Variants in LUZP2 observed in about 807,000 individuals in gnomAD.
LUZP2 encodes leucine zipper protein 2.
Under a neutral mutation model 51.6 loss-of-function variants are expected in LUZP2, and 52 were observed. That is an observed-to-expected ratio of 1.01 (90% CI 0.81 to 1.27). LUZP2 has a LOEUF of 1.27. Ranked by LOEUF, LUZP2 falls within the 50% of genes most tolerant of loss-of-function variation. The probability of loss-of-function intolerance (pLI) is 0.00; values close to 1 mark genes in which losing one functional copy is unlikely to be tolerated. For missense variants in LUZP2, 436 were observed against 395.4 expected (o/e 1.10, Z -0.87); for synonymous variants, 154 against 137.3 (o/e 1.12, Z -0.85).
chr11:24,547,739 A>G (rs2133738271), intron 1 of LUZP2, among the ~76,000 whole-genome samples: 1 of 152,220 alleles, frequency 6.6e-6, no homozygotes, highest in South Asian at 2.1e-4. Flanking sequence ...ATTAAAGACC[A>G]CTGCACAGCA....
intron 9 of LUZP2, among the ~76,000 whole-genome samples, chr11:25,002,218 T>A (rs1234340646): frequency 6.6e-6 from 1 of 152,240 alleles, no homozygotes; most frequent in Non-Finnish European, 1.5e-5. Flanking sequence ...TACTTTCAAG[T>A]ATGGTTACAT....
At chr11:24,790,413 T>C (rs925575876) in intron 5 of LUZP2, among the ~76,000 whole-genome samples, 2 of 152,178 alleles carry the variant, frequency 1.3e-5, no homozygotes, top group African/African-American at 4.8e-5. Flanking sequence ...AAACGCTTGC[T>C]TTACTTGTCT....
chr11:24,791,795 C>G (rs1849417044), intron 5 of LUZP2, among the ~76,000 whole-genome samples: 2 of 152,054 alleles, frequency 1.3e-5, no homozygotes. Context: ...CTGTTATTTA[C>G]AGAGTTTTGC....
chr11:24,848,140 T>TTGATATGATATGATATGATATGATA (rs11269785), intron 5 of LUZP2, among the ~76,000 whole-genome samples: 1,896 of 151,468 alleles, frequency 0.013, 34 homozygotes, highest in African/African-American at 0.041. Flanking sequence ...TAATATATGA[T>TTGATATGATATGATATGATATGATA]TGATATGATA....
At chr11:25,026,202 T>C (rs1368698034) in intron 9 of LUZP2, among the ~76,000 whole-genome samples, 2 of 151,584 alleles carry the variant, frequency 1.3e-5, no homozygotes, top group African/African-American at 4.9e-5. Context: ...CATAATGAGT[T>C]AATGGGTGCA....
chr11:24,633,269 T>A (rs1252126366), intron 1 of LUZP2, among the ~76,000 whole-genome samples: 1 of 152,018 alleles, frequency 6.6e-6, no homozygotes, highest in Admixed American at 6.6e-5. Flanking sequence ...TCTGCCACAA[T>A]GCTTTCAAGT....
chr11:25,018,030 T>A (rs2133969145), intron 9 of LUZP2, among the ~76,000 whole-genome samples: 1 of 92,766 alleles, frequency 1.1e-5, no homozygotes, highest in Non-Finnish European at 2.2e-5. Flanking sequence ...TAGGATTTTT[T>A]GTTTCTGTTT....
chr11:25,050,506 G>T (rs967524857), intron 10 of LUZP2, among the ~76,000 whole-genome samples: 2 of 151,848 alleles, frequency 1.3e-5, no homozygotes, highest in African/African-American at 2.4e-5. Context: ...GGGTTTCACC[G>T]TGTTAACCAG....
chr11:24,526,943 T>A (rs1415251493), intron 1 of LUZP2, among the ~76,000 whole-genome samples: 1 of 151,384 alleles, frequency 6.6e-6, no homozygotes, highest in Non-Finnish European at 1.5e-5. Flanking sequence ...AAACATGAAC[T>A]ATCCTAGCTT....
At chr11:24,740,940 G>T (rs932402648) in intron 4 of LUZP2, among the ~76,000 whole-genome samples, 28 of 152,132 alleles carry the variant, frequency 1.8e-4, no homozygotes, top group African/African-American at 6.5e-4. Flanking sequence ...CTTCTAAGTT[G>T]TATCACATAA....
chr11:24,785,044 G>A (rs1488967343), intron 5 of LUZP2, among the ~76,000 whole-genome samples: 1 of 151,880 alleles, frequency 6.6e-6, no homozygotes, highest in African/African-American at 2.4e-5. Flanking sequence ...TCATATTTCT[G>A]TGGATCCATA....
At chr11:24,622,584 G>C (rs1190287058) in intron 1 of LUZP2, among the ~76,000 whole-genome samples, 2 of 151,950 alleles carry the variant, frequency 1.3e-5, no homozygotes, top group African/African-American at 4.8e-5. Context: ...ATAATCTCAG[G>C]GTTTTATCTC....
intron 5 of LUZP2, chr11:24,786,428 T>C: frequency 2.0e-6 from 2 of 982,844 alleles, no homozygotes; most frequent in Non-Finnish European, 2.4e-6. Flanking sequence ...TATGCAATTT[T>C]TCATGGTACC....
At chr11:24,725,519 G>T (rs1243067189) in intron 1 of LUZP2, among the ~76,000 whole-genome samples, 1 of 151,784 alleles carries the variant, frequency 6.6e-6, no homozygotes, top group Non-Finnish European at 1.5e-5. Context: ...TAAATAACAT[G>T]GGTTGGAGAA....
At chr11:24,850,551 G>A (rs1453293852) in intron 5 of LUZP2, among the ~76,000 whole-genome samples, 6 of 152,144 alleles carry the variant, frequency 3.9e-5, no homozygotes, top group Admixed American at 3.9e-4. Flanking sequence ...AAGTCAGGTA[G>A]TGTGATGCCT....
At chr11:24,779,244 G>T (rs1373464959) in intron 5 of LUZP2, among the ~76,000 whole-genome samples, 1 of 152,056 alleles carries the variant, frequency 6.6e-6, no homozygotes, top group East Asian at 1.9e-4. Flanking sequence ...CAAAGTGTTG[G>T]AGATATTCTT....
At chr11:25,029,660 C>T (rs1857588576) in intron 9 of LUZP2, among the ~76,000 whole-genome samples, 1 of 151,138 alleles carries the variant, frequency 6.6e-6, no homozygotes, top group South Asian at 2.1e-4. Context: ...TCATTTGAAC[C>T]CGGGAGGCGG....
chr11:24,764,489 C>CAAAAAAAAAAA (rs1565124723), intron 5 of LUZP2, among the ~76,000 whole-genome samples: 2,730 of 55,996 alleles, frequency 0.049, 137 homozygotes, highest in East Asian at 0.18. Context: ...AATCTCATCT[C>CAAAAAAAAAAA]TAAAAAAAAA....
intron 9 of LUZP2, among the ~76,000 whole-genome samples, chr11:25,001,965 C>T (rs992226054): frequency 6.6e-6 from 1 of 152,174 alleles, no homozygotes; most frequent in Non-Finnish European, 1.5e-5. Context: ...TGTAAGACTG[C>T]CACCTCCTTG....
Sources: allele counts gnomAD v4.1 joint callset (sites outside exome capture counted in the v4.1 genomes callset), GRCh38; gene constraint gnomAD v4.1.1; transcripts MANE v1.5; gene names NCBI Gene and HGNC (gene_info 2026-07-23, HGNC 2026-07-21).